Variants in EPHA6 observed in about 807,000 individuals in gnomAD.
The protein encoded by EPHA6 is ephrin type-A receptor 6.
In EPHA6, 50 loss-of-function variants were observed where a neutral mutation model predicts 112.0. The observed-to-expected ratio is 0.45, with a 90% CI of 0.36 to 0.56. The LOEUF is 0.56. EPHA6 is among the 20% of genes least tolerant of loss of function. The probability of loss-of-function intolerance (pLI) is 0.00; values close to 1 mark genes in which losing one functional copy is unlikely to be tolerated. For synonymous variants in EPHA6, 529 were observed against 490.7 expected, an observed-to-expected ratio of 1.08 and a Z score of -1.03; for missense variants, 1,280 against 1,417.4, an observed-to-expected ratio of 0.90 and a Z score of 1.56.
At chr3:97,417,801 G>A (rs2088254790) in intron 6 of EPHA6, among the ~76,000 whole-genome samples, 1 of 152,122 alleles carries the variant, frequency 6.6e-6, no homozygotes, top group South Asian at 2.1e-4. Context: ...GAAAACTGAA[G>A]TAGTACCATT....
intron 1 of EPHA6, among the ~76,000 whole-genome samples, chr3:96,835,662 T>A (rs1161100457): frequency 6.6e-6 from 1 of 152,090 alleles, no homozygotes; most frequent in South Asian, 2.1e-4. Context: ...CAAAAGTTCT[T>A]GACCCCGGCT....
intron 10 of EPHA6, among the ~76,000 whole-genome samples, chr3:97,524,753 T>A (rs1225063982): frequency 6.6e-6 from 1 of 152,180 alleles, no homozygotes; most frequent in East Asian, 1.9e-4. Flanking sequence ...GGGTGTAGTA[T>A]GTTTTGTTAA....
At chr3:97,709,748 T>G (rs2033867999) in intron 14 of EPHA6, among the ~76,000 whole-genome samples, 1 of 152,140 alleles carries the variant, frequency 6.6e-6, no homozygotes, top group Non-Finnish European at 1.5e-5. Context: ...TTGGGGGCAG[T>G]CTCCCCCCAT....
chr3:97,490,383 C>G lies in EPHA6; in HGVS notation c.2200+6324C>G, dbSNP rs566442167. Among the ~76,000 whole-genome samples, 5 of 152,142 alleles carry G rather than the reference C, an allele frequency of 3.3e-5. No individual in the cohort carries two copies. In the East Asian group the frequency reaches 9.7e-4, roughly 29 times the overall value. Reference sequence around the variant, plus strand: ...GCCTTTGCACTTATATAGTAAAATACAGAATTATACAGAAAATATTACATT... The same window carrying G: ...GCCTTTGCACTTATATAGTAAAATAGAGAATTATACAGAAAATATTACATT... On this transcript the variant is annotated intron_variant, in intron 10 of 17. Coordinates refer to ENST00000389672, the MANE Select transcript of EPHA6 (RefSeq NM_001080448.3).
intron 7 of EPHA6, among the ~76,000 whole-genome samples, chr3:97,459,533 T>C (rs992334319): frequency 6.6e-6 from 1 of 152,164 alleles, no homozygotes; most frequent in Non-Finnish European, 1.5e-5. Context: ...CATCCTTACC[T>C]TGCTACTGAG....
At chr3:97,325,803 G>T (rs548679334) in intron 5 of EPHA6, among the ~76,000 whole-genome samples, 1 of 151,954 alleles carries the variant, frequency 6.6e-6, no homozygotes, top group Non-Finnish European at 1.5e-5. Context: ...GCCTAGTTAC[G>T]TTAAAACCAA....
intron 6 of EPHA6, among the ~76,000 whole-genome samples, chr3:97,426,550 A>T (rs2089142721): frequency 6.6e-6 from 1 of 152,200 alleles, no homozygotes; most frequent in Non-Finnish European, 1.5e-5. Context: ...AAATAAACTC[A>T]AGATGAATTA....
chr3:97,581,904 A>G (rs2093442303), intron 11 of EPHA6, among the ~76,000 whole-genome samples: 1 of 152,258 alleles, frequency 6.6e-6, no homozygotes, highest in Non-Finnish European at 1.5e-5. Flanking sequence ...AATATGGGGT[A>G]TTCTTTCTTT....
chr3:97,128,766 C>T (rs113594119), intron 3 of EPHA6, among the ~76,000 whole-genome samples: 1,972 of 152,156 alleles, frequency 0.013, 27 homozygotes, highest in African/African-American at 0.044. Flanking sequence ...GTGATCTGCC[C>T]ACCTTGGCCT....
At chr3:97,642,893 C>A (rs1479932854) in intron 14 of EPHA6, among the ~76,000 whole-genome samples, 1 of 146,254 alleles carries the variant, frequency 6.8e-6, no homozygotes, top group African/African-American at 2.5e-5. Context: ...AGAACTCTCC[C>A]CAATCTAGCA....
intron 14 of EPHA6, among the ~76,000 whole-genome samples, chr3:97,639,236 A>G (rs1438791356): frequency 2.0e-5 from 3 of 152,000 alleles, no homozygotes; most frequent in South Asian, 4.2e-4. Context: ...AAAGCTTCAT[A>G]AAAATAAAAG....
Position 97,413,298 on chromosome 3 carries a change from G to A in EPHA6, c.1731+8024G>A, listed in dbSNP as rs111242045. Among the ~76,000 whole-genome samples the A allele has an allele frequency of 2.5e-3, 377 of 151,970 alleles. 3 individuals are homozygous for A. The highest frequency in any genetic ancestry group is 8.2e-3 in the African/African-American group (340 of 41,498). On this transcript the variant is annotated intron_variant, in intron 6 of 17. Transcript: ENST00000389672. ...TTTATTTTGCCAAGGTTGAGGATGC[G>A]CCTGAGGAAAAAAGTACAGCCATTG...
At chr3:97,518,664 A>G (rs999988981) in intron 10 of EPHA6, among the ~76,000 whole-genome samples, 2 of 150,674 alleles carry the variant, frequency 1.3e-5, no homozygotes, top group Non-Finnish European at 2.9e-5. Context: ...TATTTATAAT[A>G]AAAACCATTC....
At chr3:97,032,462 G>T (rs999850743) in intron 3 of EPHA6, among the ~76,000 whole-genome samples, 12 of 151,242 alleles carry the variant, frequency 7.9e-5, no homozygotes, top group Non-Finnish European at 1.2e-4. Context: ...AAAATAAAAA[G>T]AATAAAAAAA....
chr3:97,176,181 C>T (rs892062670), intron 3 of EPHA6, among the ~76,000 whole-genome samples: 6 of 151,690 alleles, frequency 4.0e-5, no homozygotes, highest in African/African-American at 1.2e-4. Context: ...TTTCATTCTG[C>T]TGATATGATG....
chr3:97,415,970 T>G (rs2107158327), intron 6 of EPHA6, among the ~76,000 whole-genome samples: 1 of 152,218 alleles, frequency 6.6e-6, no homozygotes, highest in East Asian at 1.9e-4. Flanking sequence ...AGTTATATTG[T>G]TTGTTGTCAA....
intron 5 of EPHA6, among the ~76,000 whole-genome samples, chr3:97,347,683 T>C (rs2083600084): frequency 6.6e-6 from 1 of 152,014 alleles, no homozygotes; most frequent in African/African-American, 2.4e-5. Flanking sequence ...TTAGAGAAAA[T>C]GTAGTTGTTA....
rs150017857 is a variant in EPHA6 at position 97,017,971 on chromosome 3, C to T, written c.1114+29978C>T. Among the ~76,000 whole-genome samples the T allele has an allele frequency of 3.5e-3, 528 of 150,766 alleles. 3 individuals are homozygous for T. The highest frequency in any genetic ancestry group is 0.012 in the African/African-American group (506 of 41,288). On this transcript the variant is annotated intron_variant, in intron 3 of 17. Coordinates refer to ENST00000389672, the MANE Select transcript of EPHA6 (RefSeq NM_001080448.3). The stretch of plus-strand genomic sequence containing the variant: ...TTCTAGATCCTGTAGGCATGCTTTA[C>T]TGTTTCTTATTCTTTTTTTTTTTGT...
chr3:97,377,552 C>G (rs979252236), intron 5 of EPHA6, among the ~76,000 whole-genome samples: 2 of 151,986 alleles, frequency 1.3e-5, no homozygotes, highest in Non-Finnish European at 2.9e-5. Context: ...GTTTGGAGGA[C>G]AAGGAAGACA....
Sources: allele counts gnomAD v4.1 joint callset (sites outside exome capture counted in the v4.1 genomes callset), GRCh38; gene constraint gnomAD v4.1.1; transcripts MANE v1.5; gene names NCBI Gene and HGNC (gene_info 2026-07-23, HGNC 2026-07-21).